The following GALNTL6 variants were observed in gnomAD, a reference collection of about 807,000 sequenced individuals.
GALNTL6 encodes the protein polypeptide N-acetylgalactosaminyltransferase like 6.
A neutral mutation model predicts 73.7 loss-of-function variants in GALNTL6; 46 were observed. That is an observed-to-expected ratio of 0.62 (90% CI 0.49 to 0.80). The LOEUF is 0.80. GALNTL6 is among the 30% of genes least tolerant of loss of function. GALNTL6 has a pLI of 0.00. For missense variants in GALNTL6, 604 were observed against 755.0 expected (o/e 0.80, Z 2.34); for synonymous variants, 259 against 263.7 (o/e 0.98, Z 0.17).
At chr4:172,715,465 T>C (rs1735018307) in intron 5 of GALNTL6, among the ~76,000 whole-genome samples, 1 of 152,116 alleles carries the variant, frequency 6.6e-6, no homozygotes, top group Non-Finnish European at 1.5e-5. Context: ...TGAAAGGAAA[T>C]AAGATTTGTG....
intron 2 of GALNTL6, among the ~76,000 whole-genome samples, chr4:171,979,215 T>C (rs897991349): frequency 2.0e-5 from 3 of 152,122 alleles, no homozygotes; most frequent in Admixed American, 1.3e-4. Flanking sequence ...AAAGGCAGTG[T>C]TTTTTAATCA....
chr4:172,826,506 G>A (rs1227645465), intron 7 of GALNTL6, among the ~76,000 whole-genome samples: 1 of 152,172 alleles, frequency 6.6e-6, no homozygotes, highest in African/African-American at 2.4e-5. Context: ...CCAAACCACG[G>A]GAAAGCAGCC....
chr4:172,484,531 A>T (rs1293629782), intron 5 of GALNTL6, among the ~76,000 whole-genome samples: 1 of 152,270 alleles, frequency 6.6e-6, no homozygotes, highest in Middle Eastern at 3.4e-3. Context: ...GGTGCTGTTG[A>T]TTATTATTTA....
chr4:171,814,525 CAAG>C lies in GALNTL6; in HGVS notation c.-52_-50del, dbSNP rs1455937737. The C allele has an allele frequency of 1.3e-6, 2 of 1,590,302 alleles. No individual in the cohort carries two copies. Among genetic ancestry groups the C allele is most frequent in the African/African-American group, 2.7e-5 (2 of 73,738 alleles). ...GAGGAAAGGAATTTGACATTAAACA[CAAG>C]AAGCAGTCAGGGAGCCATCTCCTTT... On this transcript the variant is annotated 5_prime_UTR_variant, in exon 2 of 13. Coordinates refer to ENST00000506823, the MANE Select transcript of GALNTL6 (RefSeq NM_001034845.3).
At chr4:172,033,823 C>G (rs1215882291) in intron 2 of GALNTL6, among the ~76,000 whole-genome samples, 1 of 151,942 alleles carries the variant, frequency 6.6e-6, no homozygotes. Flanking sequence ...ATATCTAGAC[C>G]CTTTAGATAG....
intron 3 of GALNTL6, among the ~76,000 whole-genome samples, chr4:172,303,832 T>C (rs2654785): frequency 0.81 from 122,551 of 152,000 alleles, 49,989 homozygotes; most frequent in Non-Finnish European, 0.87. Flanking sequence ...ATTTCCAAAC[T>C]GCCCTCACTC....
intron 2 of GALNTL6, among the ~76,000 whole-genome samples, chr4:171,902,822 A>G (rs1398421694): frequency 6.6e-6 from 1 of 152,186 alleles, no homozygotes; most frequent in Non-Finnish European, 1.5e-5. Flanking sequence ...GGGACAGAAA[A>G]TGGAAAGGAT....
intron 2 of GALNTL6, among the ~76,000 whole-genome samples, chr4:171,823,466 G>T (rs1326419186): frequency 1.3e-5 from 2 of 151,820 alleles, no homozygotes; most frequent in African/African-American, 4.8e-5. Context: ...TGTTTCTCCT[G>T]GCAGAGATGT....
chr4:171,877,409 G>C (rs912084030), intron 2 of GALNTL6, among the ~76,000 whole-genome samples: 1 of 152,070 alleles, frequency 6.6e-6, no homozygotes, highest in African/African-American at 2.4e-5. Flanking sequence ...CCATAAATCA[G>C]CTACCACATA....
At chr4:172,559,451 C>A (rs1343195019) in intron 5 of GALNTL6, among the ~76,000 whole-genome samples, 1 of 152,024 alleles carries the variant, frequency 6.6e-6, no homozygotes. Context: ...GGATGAAGAG[C>A]CAGATAATTT....
rs59063393 is a variant in GALNTL6, at chr4:172,693,033, C to T, written c.554-116328C>T. Among the ~76,000 whole-genome samples, 67 of 152,094 alleles carry T rather than the reference C, an allele frequency of 4.4e-4. No individual in the cohort carries two copies. The East Asian group carries it at 6.4e-3, about 14-fold the overall frequency. ...AAGATTAAGCTTACATATAATGTTA[C>T]GTAAGGGATAACAACACTACGATTG... On this transcript the variant is annotated intron_variant, in intron 5 of 12. Coordinates refer to ENST00000506823, the MANE Select transcript of GALNTL6 (RefSeq NM_001034845.3).
intron 5 of GALNTL6, among the ~76,000 whole-genome samples, chr4:172,434,637 A>G (rs1460457001): frequency 2.6e-5 from 4 of 152,158 alleles, no homozygotes; most frequent in Admixed American, 2.6e-4. Flanking sequence ...TTCCTGTTTC[A>G]GCAGACACCT....
chr4:172,955,438 G>A (rs1338470266), intron 10 of GALNTL6, among the ~76,000 whole-genome samples: 1 of 151,636 alleles, frequency 6.6e-6, no homozygotes, highest in Non-Finnish European at 1.5e-5. Flanking sequence ...GGGTGACAGA[G>A]TGAGACTGTC....
chr4:172,570,058 A>G (rs976964556), intron 5 of GALNTL6, among the ~76,000 whole-genome samples: 2 of 152,204 alleles, frequency 1.3e-5, no homozygotes, highest in African/African-American at 4.8e-5. Context: ...GATCTTTGTC[A>G]GATGTATTTT....
At chr4:172,316,739 A>G (rs1025738622) in intron 4 of GALNTL6, among the ~76,000 whole-genome samples, 3 of 152,194 alleles carry the variant, frequency 2.0e-5, no homozygotes, top group South Asian at 2.1e-4. Flanking sequence ...TATTGTTGCA[A>G]TTCTATTGGT....
chr4:172,168,962 G>C (rs1734725013), intron 2 of GALNTL6, among the ~76,000 whole-genome samples: 1 of 152,082 alleles, frequency 6.6e-6, no homozygotes, highest in African/African-American at 2.4e-5. Flanking sequence ...ATTCTTTGAG[G>C]ATAACAATTT....
Position 172,363,462 on chromosome 4 carries a change from C to T in GALNTL6, c.553+14773C>T, listed in dbSNP as rs540762288. Among the ~76,000 whole-genome samples the T allele has an allele frequency of 2.6e-5, 4 of 152,252 alleles. No homozygotes were observed. In the East Asian group the frequency reaches 7.7e-4, roughly 29 times the overall value. ...AAAAGTAGAATAATAATAATAATCTCACAGAGTGGTTGTGGGTATTAAAGA... is the reference window on the plus strand; with the variant it reads ...AAAAGTAGAATAATAATAATAATCTTACAGAGTGGTTGTGGGTATTAAAGA... On this transcript the variant is annotated intron_variant, in intron 5 of 12. Coordinates refer to ENST00000506823, the MANE Select transcript of GALNTL6 (RefSeq NM_001034845.3).
intron 2 of GALNTL6, among the ~76,000 whole-genome samples, chr4:172,096,013 A>G (rs1732341836): frequency 6.6e-6 from 1 of 151,138 alleles, no homozygotes; most frequent in Non-Finnish European, 1.5e-5. Context: ...TTAGTTAAAT[A>G]TCAAGCTTCC....
intron 2 of GALNTL6, among the ~76,000 whole-genome samples, chr4:171,821,745 C>T (rs966922187): frequency 2.0e-5 from 3 of 151,554 alleles, no homozygotes; most frequent in Non-Finnish European, 4.4e-5. Context: ...ATATTTACAG[C>T]TGGCTTCTCT....
Sources: allele counts gnomAD v4.1 joint callset (sites outside exome capture counted in the v4.1 genomes callset), GRCh38; gene constraint gnomAD v4.1.1; transcripts MANE v1.5; gene names NCBI Gene and HGNC (gene_info 2026-07-23, HGNC 2026-07-21).